The following NDUFS4 variants were observed in gnomAD, a reference collection of about 807,000 sequenced individuals.
NDUFS4 encodes NADH:ubiquinone oxidoreductase subunit S4.
Under a neutral mutation model 24.3 loss-of-function variants are expected in NDUFS4, and 28 were observed. That is an observed-to-expected ratio of 1.15 (90% CI 0.85 to 1.58). The LOEUF (loss-of-function observed/expected upper bound fraction) is 1.58, where lower values mean the gene tolerates loss of function less well. NDUFS4 is among the 40% of genes most tolerant of loss of function. The pLI is 0.00. For missense variants in NDUFS4, 223 were observed against 207.9 expected (o/e 1.07, Z -0.45); for synonymous variants, 93 against 69.7 (o/e 1.34, Z -1.67).
chr5:53,626,966 A>ATG, intron 2 of NDUFS4, among the ~76,000 whole-genome samples: 1 of 152,110 alleles, frequency 6.6e-6, no homozygotes, highest in Admixed American at 6.6e-5. Flanking sequence ...CCATGCCTGC[A>ATG]TCCTGAATGG....
rs764933264 is a variant in NDUFS4 at position 53,669,707 on chromosome 5, C to G, written c.424+11083C>G. ...CTCTGGGGATAAATAAGGCATAGTT[C>G]TTACACTCAAACTGTAATATTTTAT... On this transcript the variant is annotated intron_variant, in intron 4 of 4. Coordinates refer to ENST00000296684, the MANE Select transcript of NDUFS4 (RefSeq NM_002495.4). 2.0e-5 allele frequency among the ~76,000 whole-genome samples: 3 copies of G among 152,266 alleles called. No homozygotes were observed. The East Asian group carries it at 5.8e-4, about 29-fold the overall frequency.
At chr5:53,582,857 T>C (rs1284280539) in intron 1 of NDUFS4, among the ~76,000 whole-genome samples, 3 of 152,202 alleles carry the variant, frequency 2.0e-5, no homozygotes, top group Non-Finnish European at 2.9e-5. Context: ...TATGGAATCA[T>C]ATAGAAATTT....
intron 3 of NDUFS4, among the ~76,000 whole-genome samples, chr5:53,654,996 T>C (rs923360506): frequency 3.9e-5 from 6 of 152,210 alleles, no homozygotes; most frequent in Admixed American, 3.9e-4. Context: ...ATTATAATTA[T>C]GAAACAATTT....
chr5:53,593,457 C>A (rs1750037353), intron 1 of NDUFS4, among the ~76,000 whole-genome samples: 1 of 151,548 alleles, frequency 6.6e-6, no homozygotes. Flanking sequence ...GTTAACCTGA[C>A]TAAAGGTTTA....
chr5:53,604,948 A>G (rs1269419228), intron 2 of NDUFS4: 3 of 447,052 alleles, frequency 6.7e-6, no homozygotes, highest in South Asian at 4.8e-5. Context: ...GGGGCAGGGC[A>G]TGGTGGCTCA....
chr5:53,675,457 A>C (rs920907652), intron 4 of NDUFS4, among the ~76,000 whole-genome samples: 21 of 152,112 alleles, frequency 1.4e-4, no homozygotes, highest in East Asian at 3.9e-4. Context: ...CCACCACGCC[A>C]GGCCCAGAGT....
At chr5:53,591,987 A>G (rs1352217180) in intron 1 of NDUFS4, among the ~76,000 whole-genome samples, 1 of 151,902 alleles carries the variant, frequency 6.6e-6, no homozygotes, top group African/African-American at 2.4e-5. Context: ...CCCAGGCTGG[A>G]GTGCAGTGTG....
At chr5:53,669,901 C>CT (rs141593059) in intron 4 of NDUFS4, among the ~76,000 whole-genome samples, 5,030 of 152,040 alleles carry the variant, frequency 0.033, 298 homozygotes, top group African/African-American at 0.12. Flanking sequence ...GTGACTTGTT[C>CT]TTTTTTTAGA....
At chr5:53,604,292 T>G (rs373648387) in intron 2 of NDUFS4, among the ~76,000 whole-genome samples, 151 of 152,358 alleles carry the variant, frequency 9.9e-4, no homozygotes, top group African/African-American at 3.5e-3. Context: ...GTACAGTATT[T>G]TATCACTCAA....
intron 1 of NDUFS4, among the ~76,000 whole-genome samples, chr5:53,591,149 A>G (rs1206287555): frequency 6.6e-6 from 1 of 152,152 alleles, no homozygotes; most frequent in East Asian, 1.9e-4. Flanking sequence ...TTGTATGTAT[A>G]TACCACATTT....
intron 1 of NDUFS4, among the ~76,000 whole-genome samples, chr5:53,564,453 T>G (rs1361289586): frequency 6.6e-6 from 1 of 152,188 alleles, no homozygotes. Flanking sequence ...TCTGATAGGT[T>G]TATTTGTTTT....
intron 3 of NDUFS4, among the ~76,000 whole-genome samples, chr5:53,649,871 A>T (rs967791240): frequency 1.3e-5 from 2 of 152,164 alleles, no homozygotes; most frequent in East Asian, 3.9e-4. Context: ...ATGGTATTTC[A>T]TGGTAGTTTT....
At chr5:53,650,135 C>G (rs953333996) in intron 3 of NDUFS4, among the ~76,000 whole-genome samples, 1 of 152,150 alleles carries the variant, frequency 6.6e-6, no homozygotes, top group African/African-American at 2.4e-5. Flanking sequence ...ACATGTTCAT[C>G]TATTCCCCAG....
Position 53,659,276 on chromosome 5 carries a change from T to C in NDUFS4, c.424+652T>C, listed in dbSNP as rs529567084. 2.0e-5 allele frequency among the ~76,000 whole-genome samples: 3 copies of C among 152,330 alleles called. No individual in the cohort carries two copies. In the East Asian group the frequency reaches 5.8e-4, roughly 29 times the overall value. ...AAATGCAAAATGTCTTCCTTTTTCC[T>C]TATTTTCTGCTGTTAAGCCAACATA... On this transcript the variant is annotated intron_variant, in intron 4 of 4. Coordinates refer to ENST00000296684, the MANE Select transcript of NDUFS4 (RefSeq NM_002495.4).
chr5:53,612,273 A>G (rs781047039), intron 2 of NDUFS4, among the ~76,000 whole-genome samples: 1 of 152,014 alleles, frequency 6.6e-6, no homozygotes, highest in Non-Finnish European at 1.5e-5. Flanking sequence ...CATTGTTTTC[A>G]TTTATATGCT....
At chr5:53,572,330 C>T (rs1749237653) in intron 1 of NDUFS4, among the ~76,000 whole-genome samples, 1 of 152,030 alleles carries the variant, frequency 6.6e-6, no homozygotes, top group African/African-American at 2.4e-5. Flanking sequence ...ATTTTATAAC[C>T]TACTTCAGAG....
chr5:53,591,767 T>A (rs1397983413), intron 1 of NDUFS4, among the ~76,000 whole-genome samples: 2 of 152,230 alleles, frequency 1.3e-5, no homozygotes, highest in Non-Finnish European at 2.9e-5. Context: ...TTAGCCATTC[T>A]AATAGGTGTG....
chr5:53,673,546 T>C (rs978183754), intron 4 of NDUFS4, among the ~76,000 whole-genome samples: 1 of 152,136 alleles, frequency 6.6e-6, no homozygotes, highest in African/African-American at 2.4e-5. Flanking sequence ...GAAGGTAATA[T>C]GATGGTAAAG....
chr5:53,642,763 T>A lies in NDUFS4; in HGVS notation c.178-3470T>A, dbSNP rs115539440. ...TACTGGTACATTCATAGTGATTTTT[T>A]AAATTTTCTCTTCATTTATGTAGAC... On this transcript the variant is annotated intron_variant, in intron 2 of 4. Coordinates refer to ENST00000296684, the MANE Select transcript of NDUFS4 (RefSeq NM_002495.4). 6.5e-3 allele frequency among the ~76,000 whole-genome samples: 984 copies of A among 152,280 alleles called. 12 individuals are homozygous for A. Among genetic ancestry groups the A allele is most frequent in the African/African-American group, 0.022 (908 of 41,572 alleles).
Sources: gnomAD v4.1 joint callset for allele counts (sites outside exome capture counted in the v4.1 genomes callset) on GRCh38, gnomAD v4.1.1 for gene constraint, MANE v1.5 for transcripts, NCBI Gene and HGNC (gene_info 2026-07-23, HGNC 2026-07-21) for gene names.